EBF3: variants seen among roughly 807,000 people sequenced by gnomAD.
EBF3 encodes the protein transcription factor COE3.
In EBF3, 18 loss-of-function variants were observed where a neutral mutation model predicts 77.1. The observed-to-expected ratio is 0.23, with a 90% CI of 0.16 to 0.35. The LOEUF (loss-of-function observed/expected upper bound fraction) is 0.35. Among genes scored for constraint, EBF3 ranks in the 10% least tolerant of loss-of-function variants. EBF3 has a pLI of 1.00. For missense variants in EBF3, 558 were observed against 860.0 expected, an observed-to-expected ratio of 0.65 and a Z score of 4.39; for synonymous variants, 350 against 343.5, an observed-to-expected ratio of 1.02 and a Z score of -0.21.
At chr10:129,953,879 C>T (rs978539435) in intron 6 of EBF3, among the ~76,000 whole-genome samples, 11 of 152,198 alleles carry the variant, frequency 7.2e-5, no homozygotes, top group African/African-American at 2.4e-4. Flanking sequence ...GTTGGCTTAG[C>T]AGCTACACCG....
chr10:129,898,244 A>C (rs1396983101), intron 6 of EBF3, among the ~76,000 whole-genome samples: 3 of 152,252 alleles, frequency 2.0e-5, no homozygotes, highest in Non-Finnish European at 4.4e-5. Context: ...ACAGAGTAAA[A>C]GTCATGGACA....
At position 129,837,602 on chromosome 10, in the gene EBF3, G is replaced by C. The variant is rs910485412; in HGVS notation, c.*341C>G. 6 of 293,984 alleles carry C rather than the reference G, an allele frequency of 2.0e-5. No individual in the cohort carries two copies. The highest frequency in any genetic ancestry group is 3.8e-5 in the Non-Finnish European group (6 of 157,336). The allele number at this position is 293,984 out of a possible 1,614,324, so 18.2% of individuals were successfully genotyped here. ...TTCACAAAGTTTCTCCCAACACATA[G>C]CAATTACTAGACATGGCCAAGACGG... On this transcript the variant is annotated 3_prime_UTR_variant, in exon 17 of 17. Coordinates refer to ENST00000440978, the MANE Select transcript of EBF3 (RefSeq NM_001375380.1).
At chr10:129,926,797 G>T (rs1856707552) in intron 6 of EBF3, among the ~76,000 whole-genome samples, 1 of 152,258 alleles carries the variant, frequency 6.6e-6, no homozygotes. Context: ...ACATAGCCAA[G>T]GCCCTGCATG....
In EBF3 at chr10:129,841,047, C is replaced by CCCG. The variant is rs1554892421; in HGVS notation, c.1373-16_1373-15insCGG. ...ACTGTAGCCGACTGTTGAAATCCCC[C>CCCG]CCCCGGCCAAAAATAACATTATTAT... On this transcript the variant is annotated splice_polypyrimidine_tract_variant and intron_variant, in intron 13 of 16. Transcript: ENST00000440978. This position sits in a 1 kb window ranked among gnomAD's most constrained non-coding sequence, Gnocchi z 4.6. 2.0e-5 allele frequency: 32 copies of CCCG among 1,604,202 alleles called. No homozygotes were observed. The highest frequency in any genetic ancestry group is 1.7e-4 in the Admixed American group (10 of 59,486).
chr10:129,894,363 A>T (rs114641197), intron 6 of EBF3, among the ~76,000 whole-genome samples: 2,777 of 152,278 alleles, frequency 0.018, 90 homozygotes, highest in African/African-American at 0.064. Flanking sequence ...AGGGCTGAGG[A>T]CTCACTTGTC....
rs757383314 is a variant in EBF3 at position 129,848,479 on chromosome 10, G to A, written c.1041C>T (p.Ala347=). ...KGAPGRFVYT[A]LNEPTIDYGF... is the part of the protein sequence containing the mutation. The stretch of plus-strand genomic sequence containing the variant: ...CGTAATCTATGGTTGGTTCATTAAG[G>A]GCTGCAACAGGACACAGAAATGTAG... Residue 347 remains alanine (A), a splice_region_variant and synonymous_variant, in exon 11 of 17, where the codon GCC becomes GCT. Coordinates refer to ENST00000440978, the MANE Select transcript of EBF3 (RefSeq NM_001375380.1). This position sits in a 1 kb window ranked among gnomAD's most constrained non-coding sequence, Gnocchi z 4.4. 1 of 1,614,152 alleles carries A rather than the reference G, an allele frequency of 6.2e-7. No homozygotes were observed. Among genetic ancestry groups the A allele is most frequent in the South Asian group, 1.1e-5 (1 of 91,074 alleles).
Position 129,841,042 on chromosome 10 carries a change from T to TCTC in EBF3, c.1373-11_1373-10insGAG. ...TTGCGACTGTAGCCGACTGTTGAAA[T>TCTC]CCCCCCCCCGGCCAAAAATAACATT... On this transcript the variant is annotated splice_polypyrimidine_tract_variant and intron_variant, in intron 13 of 16. Transcript: ENST00000440978. The surrounding 1 kb of genome is among the most constrained non-coding windows in gnomAD (Gnocchi z 4.6). The TCTC allele has an allele frequency of 6.6e-7, 1 of 1,507,650 alleles. No individual in the cohort carries two copies. Among genetic ancestry groups the TCTC allele is most frequent in the Non-Finnish European group, 8.8e-7 (1 of 1,131,780 alleles). 93.4% of individuals were successfully genotyped at this position (1,507,650 alleles called of 1,614,324 possible). A position where few individuals can be genotyped will look rare whatever the true frequency, so the allele number is the denominator to read the frequency against.
rs1589770789 is a variant in EBF3, at chr10:129,879,286, C to A, written c.555-1437G>T. ...TGTGCTGAAACACCCACTCTCTGCA[C>A]GTGGCCAAGCATCCTGTCCAGCAAG... On this transcript the variant is annotated intron_variant, in intron 6 of 16. Coordinates refer to ENST00000440978, the MANE Select transcript of EBF3 (RefSeq NM_001375380.1). This position sits in a 1 kb window ranked among gnomAD's most constrained non-coding sequence, Gnocchi z 4.7. Among the ~76,000 whole-genome samples, 1 of 152,198 alleles carries A rather than the reference C, an allele frequency of 6.6e-6. No individual in the cohort carries two copies. The highest frequency in any genetic ancestry group is 2.4e-5 in the African/African-American group (1 of 41,452).
At chr10:129,932,565 C>CAGTG (rs1204282522) in intron 6 of EBF3, among the ~76,000 whole-genome samples, 1 of 152,246 alleles carries the variant, frequency 6.6e-6, no homozygotes, top group Non-Finnish European at 1.5e-5. Flanking sequence ...GCAGGACAGA[C>CAGTG]AGTGATCAGG....
chr10:129,933,984 G>A (rs1857194872), intron 6 of EBF3, among the ~76,000 whole-genome samples: 1 of 152,120 alleles, frequency 6.6e-6, no homozygotes, highest in South Asian at 2.1e-4. Context: ...CTCTGCTCCT[G>A]CGCCCTGTCC....
chr10:129,897,152 G>T lies in EBF3; in HGVS notation c.555-19303C>A, dbSNP rs1264008527. ...AAGCCGGTCTCCTTTCGGGGTCCTG[G>T]GATGAGCACTGTGGTCACAGACACA... On this transcript the variant is annotated intron_variant, in intron 6 of 16. Coordinates refer to ENST00000440978, the MANE Select transcript of EBF3 (RefSeq NM_001375380.1). The surrounding 1 kb of genome is among the most constrained non-coding windows in gnomAD (Gnocchi z 4.6). 6.6e-6 allele frequency among the ~76,000 whole-genome samples: 1 copy of T among 152,206 alleles called. No individual in the cohort carries two copies. The highest frequency in any genetic ancestry group is 1.5e-5 in the Non-Finnish European group (1 of 68,040).
At position 129,935,554 on chromosome 10, in the gene EBF3, T is replaced by G. The variant is rs1007122964; in HGVS notation, c.554+21704A>C. 1.3e-5 allele frequency among the ~76,000 whole-genome samples: 2 copies of G among 152,104 alleles called. No individual in the cohort carries two copies. The highest frequency in any genetic ancestry group is 2.9e-5 in the Non-Finnish European group (2 of 68,024). ...AACTGCGGAGCACCAAGCACCCATA[T>G]GTAAGGCATGGGGTTAGATACATGC... On this transcript the variant is annotated intron_variant, in intron 6 of 16. Coordinates refer to ENST00000440978, the MANE Select transcript of EBF3 (RefSeq NM_001375380.1). This position sits in a 1 kb window ranked among gnomAD's most constrained non-coding sequence, Gnocchi z 4.2.
rs1857264288 is a variant in EBF3 at position 129,935,073 on chromosome 10, T to A, written c.554+22185A>T. On this transcript the variant is annotated intron_variant, in intron 6 of 16. Transcript: ENST00000440978. This position sits in a 1 kb window ranked among gnomAD's most constrained non-coding sequence, Gnocchi z 4.2. ...CCAAATATCTCATGGGATGTACTCA[T>A]CCTAACACATTAGCTGTAGCTGGTG... 6.6e-6 allele frequency among the ~76,000 whole-genome samples: 1 copy of A among 152,148 alleles called. No individual in the cohort carries two copies. Among genetic ancestry groups the A allele is most frequent in the Non-Finnish European group, 1.5e-5 (1 of 68,020 alleles).
intron 6 of EBF3, among the ~76,000 whole-genome samples, chr10:129,933,930 C>T (rs1435732043): frequency 6.6e-6 from 1 of 152,228 alleles, no homozygotes; most frequent in African/African-American, 2.4e-5. Flanking sequence ...CCTCCAGCAG[C>T]TTCACGGTCC....
Position 129,841,716 on chromosome 10 carries a change from G to A in EBF3, c.1372+400C>T, listed in dbSNP as rs1441938491. ...AATGGGGGTCTGTCTCCATGGATTC[G>A]TTCCAAACTTAGACCCAAATCCCGC... On this transcript the variant is annotated intron_variant, in intron 13 of 16. Transcript: ENST00000440978. The surrounding 1 kb of genome is among the most constrained non-coding windows in gnomAD (Gnocchi z 4.6). Among the ~76,000 whole-genome samples the A allele has an allele frequency of 6.6e-6, 1 of 152,140 alleles. No individual in the cohort carries two copies. Among genetic ancestry groups the A allele is most frequent in the Admixed American group, 6.5e-5 (1 of 15,290 alleles).
chr10:129,842,263 C>T lies in EBF3; in HGVS notation c.1225G>A (p.Ala409Thr), dbSNP rs1345736738. 5 of 1,607,652 alleles carry T rather than the reference C, an allele frequency of 3.1e-6. No homozygotes were observed. The highest frequency in any genetic ancestry group is 1.3e-5 in the African/African-American group (1 of 74,882). The change falls in exon 13 of 17, where the codon GCC becomes ACC. Residue 409 changes from alanine to threonine, a missense_variant. Physicochemically the swap from Ala to Thr is moderately conservative, Grantham distance 58. Coordinates refer to ENST00000440978, the MANE Select transcript of EBF3 (RefSeq NM_001375380.1). The surrounding 1 kb of genome is among the most constrained non-coding windows in gnomAD (Gnocchi z 4.4). ...CGGGGAACGCTGTACAGCGCCTCGG[C>T]GATGTCCGCCGCTCGCTTCAAGATG... ...EIILKRAADI[A>T]EALYSVPRNH... is the part of the protein sequence containing the mutation.
intron 6 of EBF3, among the ~76,000 whole-genome samples, chr10:129,933,572 T>C (rs1258390992): frequency 6.6e-6 from 1 of 152,228 alleles, no homozygotes; most frequent in Non-Finnish European, 1.5e-5. Context: ...AAGTGGTCCC[T>C]TGAGCTGGAA....
intron 6 of EBF3, among the ~76,000 whole-genome samples, chr10:129,901,757 C>T (rs1223190891): frequency 2.6e-5 from 4 of 152,170 alleles, no homozygotes; most frequent in Non-Finnish European, 5.9e-5. Flanking sequence ...ATATTAAAAT[C>T]GCACAGCGGC....
rs1858744475 is a variant in EBF3 at position 129,952,469 on chromosome 10, T to C, written c.554+4789A>G. ...ATGTAAATGACATTAAAGAAGACAA[T>C]GAATTTAATTTTATTTAATGTCCCT... On this transcript the variant is annotated intron_variant, in intron 6 of 16. Coordinates refer to ENST00000440978, the MANE Select transcript of EBF3 (RefSeq NM_001375380.1). This position sits in a 1 kb window ranked among gnomAD's most constrained non-coding sequence, Gnocchi z 4.7. Among the ~76,000 whole-genome samples the C allele has an allele frequency of 6.6e-6, 1 of 152,190 alleles. No homozygotes were observed. Among genetic ancestry groups the C allele is most frequent in the Non-Finnish European group, 1.5e-5 (1 of 68,024 alleles).
Sources: gnomAD v4.1 joint callset for allele counts (sites outside exome capture counted in the v4.1 genomes callset) on GRCh38, gnomAD v4.1.1 for gene constraint, Gnocchi (gnomAD v3.1) non-coding constraint, MANE v1.5 for transcripts, NCBI Gene and HGNC (gene_info 2026-07-23, HGNC 2026-07-21) for gene names.